The following GULP1 variants were observed in gnomAD, a reference collection of about 807,000 sequenced individuals.
GULP1 encodes the protein PTB domain-containing engulfment adapter protein 1.
GULP1 carries 19 observed loss-of-function variants against 40.9 expected under a neutral mutation model. The observed-to-expected ratio is 0.46, with a 90% CI of 0.32 to 0.68. The LOEUF (loss-of-function observed/expected upper bound fraction) is 0.68, where lower values mean the gene tolerates loss of function less well. Among genes scored for constraint, GULP1 ranks in the 30% least tolerant of loss-of-function variants. The pLI, the probability that GULP1 is intolerant of heterozygous loss-of-function variation, is 0.03. For missense variants in GULP1, 312 were observed against 362.2 expected (o/e 0.86, Z 1.12); for synonymous variants, 119 against 117.6 (o/e 1.01, Z -0.08).
intron 1 of GULP1, among the ~76,000 whole-genome samples, chr2:188,316,671 C>T (rs1463511255): frequency 6.6e-6 from 1 of 152,152 alleles, no homozygotes; most frequent in Non-Finnish European, 1.5e-5. Flanking sequence ...TATTTAAAAT[C>T]ACAACTCCTT....
chr2:188,408,390 A>G (rs1480970241), intron 2 of GULP1, among the ~76,000 whole-genome samples: 1 of 152,216 alleles, frequency 6.6e-6, no homozygotes, highest in African/African-American at 2.4e-5. Context: ...GATAAAAGAG[A>G]CATTAAGTCA....
Position 188,292,435 on chromosome 2 carries a change from G to A in GULP1, c.-172+269G>A, listed in dbSNP as rs907738217. On this transcript the variant is annotated intron_variant, in intron 1 of 11. Coordinates refer to ENST00000409830, the MANE Select transcript of GULP1 (RefSeq NM_016315.4). This position sits in a 1 kb window ranked among gnomAD's most constrained non-coding sequence, Gnocchi z 4.0. ...CTATGGCAGCGCTTGAGAAATGACT[G>A]GGGGAGTCCAGCGAGGTCGGGGACG... is the stretch of plus-strand genomic sequence containing the variant. Among the ~76,000 whole-genome samples, 1 of 152,198 alleles carries A rather than the reference G, an allele frequency of 6.6e-6. No individual in the cohort carries two copies. The highest frequency in any genetic ancestry group is 1.9e-4 in the East Asian group (1 of 5,178).
chr2:188,568,621 T>C (rs1157282953), intron 7 of GULP1, among the ~76,000 whole-genome samples: 1 of 152,202 alleles, frequency 6.6e-6, no homozygotes, highest in Non-Finnish European at 1.5e-5. Context: ...ATATAAAATT[T>C]CAGACTTCTG....
intron 11 of GULP1, chr2:188,589,821 A>G: frequency 2.9e-6 from 2 of 701,304 alleles, no homozygotes; most frequent in Non-Finnish European, 4.5e-6. Flanking sequence ...TAAAATTTGC[A>G]TGCCTTATTT....
At position 188,370,146 on chromosome 2, in the gene GULP1, G is replaced by A. The variant is rs557460617; in HGVS notation, c.-171-13617G>A. Among the ~76,000 whole-genome samples, 6 of 152,234 alleles carry A rather than the reference G, an allele frequency of 3.9e-5. No individual in the cohort carries two copies. In the East Asian group the frequency reaches 9.7e-4, roughly 25 times the overall value. On this transcript the variant is annotated intron_variant, in intron 1 of 11. Transcript: ENST00000409830. Reference sequence around the variant, plus strand: ...AGTCTTAGCTCAGGTGCCTACTCTCGTATCTTCAGAGGGGGAAAGGCTTAT... The same window carrying A: ...AGTCTTAGCTCAGGTGCCTACTCTCATATCTTCAGAGGGGGAAAGGCTTAT...
chr2:188,575,332 TA>T (rs1282609915), intron 9 of GULP1, among the ~76,000 whole-genome samples: 6 of 152,374 alleles, frequency 3.9e-5, no homozygotes, highest in African/African-American at 1.4e-4. Context: ...GAAGATCTAA[TA>T]TTTCCATACG....
intron 7 of GULP1, among the ~76,000 whole-genome samples, chr2:188,555,426 A>G (rs948015609): frequency 3.9e-5 from 6 of 152,176 alleles, no homozygotes; most frequent in African/African-American, 9.6e-5. Context: ...AAATTCCCTC[A>G]GTATTTACTT....
At chr2:188,497,874 G>T (rs1253099005) in intron 4 of GULP1, among the ~76,000 whole-genome samples, 2 of 151,918 alleles carry the variant, frequency 1.3e-5, no homozygotes, top group Non-Finnish European at 2.9e-5. Context: ...GCTCTCTAGG[G>T]TCCTTTGTTA....
At chr2:188,513,501 C>T (rs898543924) in intron 4 of GULP1, among the ~76,000 whole-genome samples, 8 of 152,064 alleles carry the variant, frequency 5.3e-5, no homozygotes, top group Non-Finnish European at 8.8e-5. Flanking sequence ...ATTGGCCGAT[C>T]ACTTTTATTT....
At chr2:188,336,183 C>G (rs1018699670) in intron 1 of GULP1, among the ~76,000 whole-genome samples, 13 of 152,096 alleles carry the variant, frequency 8.5e-5, no homozygotes. Context: ...TAGTCAATGT[C>G]CTTTCTGCTC....
intron 2 of GULP1, among the ~76,000 whole-genome samples, chr2:188,425,628 C>G (rs572354339): frequency 6.6e-5 from 10 of 152,192 alleles, no homozygotes; most frequent in Non-Finnish European, 1.2e-4. Flanking sequence ...CGTATATTTT[C>G]CAGTTCTCAA....
chr2:188,373,372 T>C (rs542985573), intron 1 of GULP1, among the ~76,000 whole-genome samples: 1 of 152,036 alleles, frequency 6.6e-6, no homozygotes, highest in South Asian at 2.1e-4. Flanking sequence ...ACATTTTTGG[T>C]TCTTTATATT....
intron 2 of GULP1, among the ~76,000 whole-genome samples, chr2:188,460,898 G>A (rs998776798): frequency 1.3e-5 from 2 of 152,006 alleles, no homozygotes; most frequent in Non-Finnish European, 2.9e-5. Context: ...ATGATTGTAT[G>A]GTTTTTATCC....
At chr2:188,346,832 G>T (rs532772069) in intron 1 of GULP1, among the ~76,000 whole-genome samples, 1 of 151,610 alleles carries the variant, frequency 6.6e-6, no homozygotes. Context: ...TTAGCTGGGC[G>T]TGGTGGCAGG....
intron 2 of GULP1, among the ~76,000 whole-genome samples, chr2:188,385,045 C>T (rs1275232165): frequency 6.6e-6 from 1 of 152,086 alleles, no homozygotes; most frequent in African/African-American, 2.4e-5. Flanking sequence ...AGGATGGTGG[C>T]CCTCTTCTCA....
At chr2:188,347,843 C>A (rs2043900580) in intron 1 of GULP1, among the ~76,000 whole-genome samples, 1 of 152,138 alleles carries the variant, frequency 6.6e-6, no homozygotes, top group Non-Finnish European at 1.5e-5. Flanking sequence ...TTCTAGAATT[C>A]CTGATCTCAA....
At chr2:188,509,378 A>G (rs756660143) in intron 4 of GULP1, among the ~76,000 whole-genome samples, 10 of 152,122 alleles carry the variant, frequency 6.6e-5, no homozygotes, top group Non-Finnish European at 1.2e-4. Flanking sequence ...ATAGCACACT[A>G]ATGACAGTTC....
intron 2 of GULP1, among the ~76,000 whole-genome samples, chr2:188,473,704 G>T (rs377006338): frequency 6.6e-5 from 10 of 152,220 alleles, no homozygotes; most frequent in African/African-American, 2.4e-4. Flanking sequence ...GACAGGTCCA[G>T]AAATGTTGTG....
chr2:188,307,959 TG>T (rs1389310647), intron 1 of GULP1, among the ~76,000 whole-genome samples: 1 of 142,660 alleles, frequency 7.0e-6, no homozygotes, highest in East Asian at 2.2e-4. Context: ...CAGTGGTTTT[TG>T]TTGGAATCAC....
Sources: allele counts gnomAD v4.1 joint callset (sites outside exome capture counted in the v4.1 genomes callset), GRCh38; gene constraint gnomAD v4.1.1; non-coding constraint Gnocchi (gnomAD v3.1); transcripts MANE v1.5; gene names NCBI Gene and HGNC (gene_info 2026-07-23, HGNC 2026-07-21).